Variants in WDR47 observed in about 807,000 individuals in gnomAD.
The protein encoded by WDR47 is WD repeat-containing protein 47.
A neutral mutation model predicts 97.2 loss-of-function variants in WDR47; 32 were observed. The observed-to-expected ratio is 0.33, with a 90% CI of 0.25 to 0.44. The LOEUF (loss-of-function observed/expected upper bound fraction) is 0.44, where lower values mean the gene tolerates loss of function less well. Among genes scored for constraint, WDR47 ranks in the 20% least tolerant of loss-of-function variants. The pLI, the probability that WDR47 is intolerant of heterozygous loss-of-function variation, is 1.00. For missense variants in WDR47, 782 were observed against 1,102.3 expected (o/e 0.71, Z 4.11); for synonymous variants, 375 against 373.5 (o/e 1.00, Z -0.05).
intron 14 of WDR47, 124 bp from the exon 15 acceptor site, chr1:108,971,696 T>A (rs1350494117): frequency 9.1e-7 from 1 of 1,094,014 alleles, no homozygotes; most frequent in African/African-American, 1.6e-5. Context: ...TATAATACAT[T>A]GAAAGGTTTA....
intron 8 of WDR47, among the ~76,000 whole-genome samples, chr1:108,993,937 A>T (rs1185656708): frequency 6.6e-6 from 1 of 152,204 alleles, no homozygotes; most frequent in Non-Finnish European, 1.5e-5. Context: ...GCACTACATG[A>T]CCCAGTTGTA....
At chr1:109,012,314 C>T (rs1661089974) in intron 4 of WDR47, among the ~76,000 whole-genome samples, 1 of 151,988 alleles carries the variant, frequency 6.6e-6, no homozygotes, top group Non-Finnish European at 1.5e-5. Context: ...AGCACAGTGG[C>T]TCACACCTGT....
rs375328664 is a variant in WDR47, at chr1:109,028,694, G to A, written c.-9-5173C>T. 1.1e-3 allele frequency among the ~76,000 whole-genome samples: 158 copies of A among 147,174 alleles called. 1 individual carries two copies. In the East Asian group the frequency reaches 0.026, roughly 24 times the overall value. On this transcript the variant is annotated intron_variant, in intron 1 of 14. Coordinates refer to ENST00000369962, the MANE Select transcript of WDR47 (RefSeq NM_001142551.2). ...TCTTGATCTCCTGATCTCGTCATCCGCCCGCCTCAGCCTCCCAAAGTGCTG... is the reference window on the plus strand; with the variant it reads ...TCTTGATCTCCTGATCTCGTCATCCACCCGCCTCAGCCTCCCAAAGTGCTG...
intron 3 of WDR47, among the ~76,000 whole-genome samples, chr1:109,015,876 G>A (rs1019640005): frequency 2.0e-5 from 3 of 150,768 alleles, no homozygotes; most frequent in South Asian, 2.1e-4. Context: ...CCAGCTGCTC[G>A]GGAGGCTGAG....
intron 6 of WDR47, among the ~76,000 whole-genome samples, chr1:109,003,169 G>C (rs1170082809): frequency 6.6e-6 from 1 of 152,164 alleles, no homozygotes; most frequent in East Asian, 1.9e-4. Context: ...GGTCTAGTCA[G>C]TTTACAGTAT....
chr1:109,013,856 T>TTCTGCTGACATCGCG lies in WDR47; in HGVS notation c.297_311dup (p.Ala103_Glu104insAspAlaMetSerAla). 1 of 1,613,764 alleles carries TTCTGCTGACATCGCG rather than the reference T, an allele frequency of 6.2e-7. No individual in the cohort carries two copies. Among genetic ancestry groups the TTCTGCTGACATCGCG allele is most frequent in the Non-Finnish European group, 8.5e-7 (1 of 1,179,956 alleles). On this transcript the variant is annotated inframe_insertion, in exon 4 of 15. Transcript: ENST00000369962. ...AAAATCTTACATGCTGGGGCTCATC[T>TTCTGCTGACATCGCG]TCTGCTGACATCGCGTTGTTAACAC... is the stretch of plus-strand genomic sequence containing the variant.
Position 109,021,677 on chromosome 1 carries a change from C to T in WDR47, c.158+1678G>A, listed in dbSNP as rs563954932. On this transcript the variant is annotated intron_variant, in intron 2 of 14. Transcript: ENST00000369962. ...TTGTAGCTGGAATTACAGGCATGCA[C>T]CACTATGCCCAGCTAATTTTAGTAT... Among the ~76,000 whole-genome samples the T allele has an allele frequency of 7.9e-5, 12 of 152,104 alleles. No homozygotes were observed. The South Asian group carries it at 2.5e-3, about 32-fold the overall frequency.
At chr1:108,976,675 G>A (rs1176560801) in intron 13 of WDR47, among the ~76,000 whole-genome samples, 2 of 152,116 alleles carry the variant, frequency 1.3e-5, no homozygotes, top group Non-Finnish European at 2.9e-5. Context: ...AGAAAATAAT[G>A]GCGAGGTCCC....
chr1:108,988,903 A>G (rs1659080044), intron 9 of WDR47, among the ~76,000 whole-genome samples: 1 of 151,888 alleles, frequency 6.6e-6, no homozygotes, highest in Admixed American at 6.6e-5. Context: ...GATTATAGGC[A>G]TGCACCACCA....
chr1:109,010,656 C>T lies in WDR47; in HGVS notation c.1130+260G>A, dbSNP rs1043748703. Among the ~76,000 whole-genome samples, 4 of 147,110 alleles carry T rather than the reference C, an allele frequency of 2.7e-5. No individual in the cohort carries two copies. The Admixed American group carries it at 2.8e-4, about 10-fold the overall frequency. On this transcript the variant is annotated intron_variant, in intron 5 of 14. Coordinates refer to ENST00000369962, the MANE Select transcript of WDR47 (RefSeq NM_001142551.2). ...AGAGTGCAATGGCGTGATCTCAGCT[C>T]ACTGCAAGCTCCCCCTCCCGGGTTC... is the stretch of plus-strand genomic sequence containing the variant.
At chr1:109,036,520 G>A (rs1289136077) in intron 1 of WDR47, among the ~76,000 whole-genome samples, 2 of 114,832 alleles carry the variant, frequency 1.7e-5, no homozygotes, top group Non-Finnish European at 3.4e-5. Context: ...GGGCGACTGA[G>A]CAAGACTCCG....
chr1:109,023,093 C>CTT, intron 2 of WDR47, among the ~76,000 whole-genome samples: 4 of 151,712 alleles, frequency 2.6e-5, no homozygotes, highest in African/African-American at 9.6e-5. Context: ...GTCCCAGCTA[C>CTT]GCAGGAGGCT....
At position 108,995,768 on chromosome 1, in the gene WDR47, G is replaced by A. The variant is rs1464615902; in HGVS notation, c.1503C>T (p.Asn501=). The A allele has an allele frequency of 3.7e-6, 6 of 1,613,970 alleles. No homozygotes were observed. Among genetic ancestry groups the A allele is most frequent in the African/African-American group, 1.3e-5 (1 of 74,900 alleles). The change falls in exon 8 of 15, where the codon AAC becomes AAT. Residue 501 remains asparagine, a synonymous_variant. Transcript: ENST00000369962. ...DGLGNEVSAL[N]QQCNGSKGNG... Reference sequence around the variant, plus strand: ...TGCCTTTGCTCCCATTACATTGCTGGTTGAGTGCTGATACCTCATTACCAA... The same window carrying A: ...TGCCTTTGCTCCCATTACATTGCTGATTGAGTGCTGATACCTCATTACCAA...
At chr1:109,041,255 C>G (rs1439529899) in intron 1 of WDR47, among the ~76,000 whole-genome samples, 1 of 152,192 alleles carries the variant, frequency 6.6e-6, no homozygotes, top group Admixed American at 6.5e-5. Context: ...GCAGGCGCCC[C>G]TCCAGCGCAA....
chr1:109,001,523 C>T (rs1276331730), intron 7 of WDR47, among the ~76,000 whole-genome samples: 1 of 152,148 alleles, frequency 6.6e-6, no homozygotes, highest in Non-Finnish European at 1.5e-5. Context: ...GTGCCAGGTA[C>T]TGTTCTCAGC....
chr1:109,038,840 G>A (rs183980704), intron 1 of WDR47, among the ~76,000 whole-genome samples: 11 of 152,180 alleles, frequency 7.2e-5, no homozygotes, highest in African/African-American at 2.2e-4. Flanking sequence ...AGTCAAGTGT[G>A]GGGGTATGTG....
rs1408964711 is a variant in WDR47 at position 108,992,287 on chromosome 1, T to G, written c.1692-958A>C. On this transcript the variant is annotated intron_variant, in intron 8 of 14. Transcript: ENST00000369962. ...GCCTGAGGTAATCTGTGAAAATGGT[T>G]CGCTATTCACTTGACCCGGAGAACC... 10 of 848,048 alleles carry G rather than the reference T, an allele frequency of 1.2e-5. No individual in the cohort carries two copies. In the East Asian group the frequency reaches 2.4e-4, roughly 20 times the overall value. 52.5% of individuals were successfully genotyped at this position (848,048 alleles called of 1,614,324 possible). A position where few individuals can be genotyped will look rare whatever the true frequency, so the allele number is the denominator to read the frequency against.
At chr1:109,033,797 TA>T (rs1557966673) in intron 1 of WDR47, among the ~76,000 whole-genome samples, 1 of 152,172 alleles carries the variant, frequency 6.6e-6, no homozygotes, top group Non-Finnish European at 1.5e-5. Flanking sequence ...CACATGCCTG[TA>T]ATCCCAGCTA....
intron 13 of WDR47, among the ~76,000 whole-genome samples, chr1:108,978,481 C>T (rs1309230611): frequency 6.7e-6 from 1 of 148,668 alleles, no homozygotes; most frequent in African/African-American, 2.5e-5. Flanking sequence ...GAGCGAGACT[C>T]CGTCTCAAAA....
Sources: gnomAD v4.1 joint callset for allele counts (sites outside exome capture counted in the v4.1 genomes callset) on GRCh38, gnomAD v4.1.1 for gene constraint, MANE v1.5 for transcripts, NCBI Gene and HGNC (gene_info 2026-07-23, HGNC 2026-07-21) for gene names.